ANKRD30B: variants seen among roughly 807,000 people sequenced by gnomAD.
The protein encoded by ANKRD30B is ankyrin repeat domain-containing protein 30B.
A neutral mutation model predicts 202.2 loss-of-function variants in ANKRD30B; 144 were observed. The observed-to-expected ratio is 0.71, with a 90% CI of 0.62 to 0.82. ANKRD30B has a LOEUF of 0.82. Ranked by LOEUF, ANKRD30B falls within the 40% of genes least tolerant of loss-of-function variation. The pLI is 0.00. For synonymous variants in ANKRD30B, 508 were observed against 561.3 expected (o/e 0.91, Z 1.34); for missense variants, 1,487 against 1,669.1 (o/e 0.89, Z 1.90).
chr18:14,926,313 C>T, the ANKRD30B span, among the ~76,000 whole-genome samples: 8 of 152,234 alleles, frequency 5.3e-5, no homozygotes, highest in Non-Finnish European at 1.0e-4. Flanking sequence ...AATGTGATGA[C>T]AAGCACCAGA....
At chr18:14,922,481 C>T in the ANKRD30B span, among the ~76,000 whole-genome samples, 4 of 151,748 alleles carry the variant, frequency 2.6e-5, no homozygotes, top group Admixed American at 2.6e-4. Context: ...CGGTGAAACC[C>T]CATCTCTACT....
At chr18:14,774,314 A>G (rs1967216207) in intron 9 of ANKRD30B, among the ~76,000 whole-genome samples, 1 of 152,154 alleles carries the variant, frequency 6.6e-6, no homozygotes, top group Non-Finnish European at 1.5e-5. Context: ...ACTGAAGCTC[A>G]TACTTGATTG....
At chr18:14,886,550 T>C in the ANKRD30B span, among the ~76,000 whole-genome samples, 2 of 152,106 alleles carry the variant, frequency 1.3e-5, no homozygotes, top group African/African-American at 4.8e-5. Context: ...TTGGTATAAC[T>C]CCATAGACAA....
Position 14,748,626 on chromosome 18 carries a change from A to T in ANKRD30B, c.207A>T (p.Arg69Ser). The change falls in exon 1 of 44, where the codon AGA becomes AGT. Residue 69 changes from arginine (R) to serine (S), a missense_variant. Physicochemically the swap from Arg to Ser is moderately radical, Grantham distance 110. Transcript: ENST00000690538. ...VGKKPVNLNK[R>S]DMKKRTALHW... ...AGAAGCCCGTCAACCTGAACAAAAG[A>T]GATATGAAGAAGAGGTACCAGGCCC... The T allele has an allele frequency of 6.4e-7, 1 of 1,563,374 alleles. No individual in the cohort carries two copies. The highest frequency in any genetic ancestry group is 8.7e-7 in the Non-Finnish European group (1 of 1,154,146).
rs1490638720 is a variant in ANKRD30B at position 14,748,605 on chromosome 18, G to A, written c.186G>A (p.Lys62=). 5 of 1,567,064 alleles carry A rather than the reference G, an allele frequency of 3.2e-6. No individual in the cohort carries two copies. Among genetic ancestry groups the A allele is most frequent in the Non-Finnish European group, 4.3e-6 (5 of 1,155,644 alleles). ...TGGAGAAGATGACAGTAGGGAAGAA[G>A]CCCGTCAACCTGAACAAAAGAGATA... ...QKLEKMTVGK[K]PVNLNKRDMK... Residue 62 remains lysine, a synonymous_variant, in exon 1 of 44, where the codon AAG becomes AAA. Transcript: ENST00000690538.
chr18:14,836,383 C>T (rs989419024), intron 34 of ANKRD30B, among the ~76,000 whole-genome samples: 3 of 152,130 alleles, frequency 2.0e-5, no homozygotes, highest in Non-Finnish European at 4.4e-5. Context: ...ACCGGCACTT[C>T]AACCGTCCCC....
chr18:14,897,514 C>T, the ANKRD30B span, among the ~76,000 whole-genome samples: 2 of 151,760 alleles, frequency 1.3e-5, no homozygotes, highest in African/African-American at 4.8e-5. Context: ...TGTGTACATT[C>T]TTGGGAATTG....
chr18:14,825,273 G>C (rs1049114660), intron 32 of ANKRD30B: 1 of 152,182 alleles, frequency 6.6e-6, no homozygotes, highest in African/African-American at 2.4e-5. Context: ...ACAGATGAGA[G>C]ACATATACTG....
chr18:14,815,610 T>C (rs2144079867), intron 30 of ANKRD30B, among the ~76,000 whole-genome samples: 1 of 152,296 alleles, frequency 6.6e-6, no homozygotes, highest in Non-Finnish European at 1.5e-5. Flanking sequence ...GAGAAAGCGT[T>C]ATGTTGCTCT....
At chr18:14,804,445 T>C (rs1969372551) in intron 24 of ANKRD30B, among the ~76,000 whole-genome samples, 1 of 141,884 alleles carries the variant, frequency 7.0e-6, no homozygotes, top group Non-Finnish European at 1.5e-5. Context: ...AGACCGTAAG[T>C]TTTCAAACTT....
At chr18:14,767,253 G>A (rs758258975) in intron 7 of ANKRD30B, among the ~76,000 whole-genome samples, 1 of 152,140 alleles carries the variant, frequency 6.6e-6, no homozygotes, top group Non-Finnish European at 1.5e-5. Flanking sequence ...AATAAGTACA[G>A]TAATTCACCC....
the ANKRD30B span, among the ~76,000 whole-genome samples, chr18:14,885,843 G>A: frequency 1.3e-5 from 2 of 151,870 alleles, no homozygotes; most frequent in South Asian, 2.1e-4. Flanking sequence ...TCACTGCTTT[G>A]AAAGTATCTT....
At chr18:14,875,459 A>G in the ANKRD30B span, among the ~76,000 whole-genome samples, 1 of 151,978 alleles carries the variant, frequency 6.6e-6, no homozygotes, top group Non-Finnish European at 1.5e-5. Context: ...TAGGAAGGTT[A>G]TGGGCCCAAA....
At chr18:14,902,631 C>T in the ANKRD30B span, among the ~76,000 whole-genome samples, 104 of 152,198 alleles carry the variant, frequency 6.8e-4, no homozygotes, top group African/African-American at 2.4e-3. Flanking sequence ...ACCTGTTAAA[C>T]GTCCACTCTC....
At chr18:14,750,543 C>A (rs1028369293) in intron 1 of ANKRD30B, among the ~76,000 whole-genome samples, 11 of 152,040 alleles carry the variant, frequency 7.2e-5, no homozygotes, top group Non-Finnish European at 1.5e-4. Flanking sequence ...TGGTAAGTAC[C>A]ATATTTAAAA....
the ANKRD30B span, among the ~76,000 whole-genome samples, chr18:14,938,106 A>G: frequency 2.0e-5 from 3 of 152,154 alleles, no homozygotes; most frequent in Admixed American, 1.3e-4. Flanking sequence ...CTCTCCCTAC[A>G]TGCCTTCCCC....
At chr18:14,922,551 A>AGGCT in the ANKRD30B span, among the ~76,000 whole-genome samples, 1 of 150,552 alleles carries the variant, frequency 6.6e-6, no homozygotes, top group Non-Finnish European at 1.5e-5. Context: ...GCTACTCAGG[A>AGGCT]GGCTGAGGCA....
At chr18:14,913,923 A>G in the ANKRD30B span, among the ~76,000 whole-genome samples, 1 of 152,348 alleles carries the variant, frequency 6.6e-6, no homozygotes, top group South Asian at 2.1e-4. Flanking sequence ...ATTAATCTTT[A>G]CAAAAGTCTT....
chr18:14,885,960 C>T, the ANKRD30B span, among the ~76,000 whole-genome samples: 6 of 151,922 alleles, frequency 3.9e-5, no homozygotes, highest in Non-Finnish European at 7.4e-5. Flanking sequence ...AAGGCTTACT[C>T]TGTTTATATG....
Sources: allele counts gnomAD v4.1 joint callset (sites outside exome capture counted in the v4.1 genomes callset), GRCh38; gene constraint gnomAD v4.1.1; transcripts MANE v1.5; gene names NCBI Gene and HGNC (gene_info 2026-07-23, HGNC 2026-07-21).